LRP6: variants seen among roughly 807,000 people sequenced by gnomAD.
LRP6 encodes the protein LDL receptor related protein 6.
A neutral mutation model predicts 184.1 loss-of-function variants in LRP6; 43 were observed. That is an observed-to-expected ratio of 0.23 (90% CI 0.18 to 0.30). The LOEUF (loss-of-function observed/expected upper bound fraction) is 0.30. Ranked by LOEUF, LRP6 falls within the 10% of genes least tolerant of loss-of-function variation. The pLI, the probability that LRP6 is intolerant of heterozygous loss-of-function variation, is 1.00. For synonymous variants in LRP6, 719 were observed against 684.9 expected, an observed-to-expected ratio of 1.05 and a Z score of -0.78; for missense variants, 1,571 against 2,005.3, an observed-to-expected ratio of 0.78 and a Z score of 4.14.
chr12:12,148,447 GTATT>G (rs1950039529), intron 14 of LRP6, among the ~76,000 whole-genome samples: 3 of 152,078 alleles, frequency 2.0e-5, no homozygotes, highest in South Asian at 2.1e-4. Context: ...TGATTATTGA[GTATT>G]TATTAAATGC....
intron 11 of LRP6, 148 bp from the exon 12 acceptor site, chr12:12,159,303 A>C: frequency 1.5e-6 from 1 of 672,680 alleles, no homozygotes; most frequent in Non-Finnish European, 2.6e-6. Flanking sequence ...ATTCATTTAA[A>C]AGCAATTCTA....
intron 2 of LRP6, among the ~76,000 whole-genome samples, chr12:12,207,700 G>A (rs1453387361): frequency 1.3e-5 from 2 of 152,072 alleles, no homozygotes; most frequent in African/African-American, 4.8e-5. Context: ...ATGCTTAGTA[G>A]TCAGGAAGGC....
chr12:12,139,340 G>A (rs745882235), intron 15 of LRP6, among the ~76,000 whole-genome samples: 6 of 152,200 alleles, frequency 3.9e-5, no homozygotes, highest in Non-Finnish European at 8.8e-5. Flanking sequence ...TTCCAGATGG[G>A]AAGGCATTGC....
intron 2 of LRP6, among the ~76,000 whole-genome samples, chr12:12,233,253 G>C (rs1308322070): frequency 6.6e-6 from 1 of 152,100 alleles, no homozygotes; most frequent in Admixed American, 6.6e-5. Flanking sequence ...GGATCACAAG[G>C]TCAGGAGATC....
chr12:12,145,624 CTTT>C (rs1157764946), intron 15 of LRP6, among the ~76,000 whole-genome samples: 2 of 80,314 alleles, frequency 2.5e-5, no homozygotes, highest in East Asian at 6.2e-4. Context: ...TTTTCTTTTT[CTTT>C]TTTTTTTTTT....
At chr12:12,203,163 G>T in intron 3 of LRP6, 40 bp downstream of exon 3, 1 of 1,444,022 alleles carries the variant, frequency 6.9e-7, no homozygotes, top group Non-Finnish European at 9.5e-7. Context: ...AGGCTTCATC[G>T]AGTTTTCTTA....
At position 12,131,805 on chromosome 12, in the gene LRP6, G is replaced by T. The variant is rs1949762550; in HGVS notation, c.3970+16C>A. ...AAAAAGGATTGCATGCTGAGGCACTGAAGAATTCTGGATACCTTCACAGTT... is the reference window on the plus strand; with the variant it reads ...AAAAAGGATTGCATGCTGAGGCACTTAAGAATTCTGGATACCTTCACAGTT... On this transcript the variant is annotated intron_variant, in intron 18 of 22. Transcript: ENST00000261349. 1.9e-6 allele frequency: 3 copies of T among 1,604,420 alleles called. No homozygotes were observed. Among genetic ancestry groups the T allele is most frequent in the Non-Finnish European group, 2.6e-6 (3 of 1,171,046 alleles).
chr12:12,169,252 A>G (rs1463440470), intron 7 of LRP6, among the ~76,000 whole-genome samples: 1 of 151,544 alleles, frequency 6.6e-6, no homozygotes, highest in Non-Finnish European at 1.5e-5. Flanking sequence ...TAATAATAAT[A>G]ATAATAAATA....
At position 12,121,269 on chromosome 12, in the gene LRP6, C is replaced by T; in HGVS notation, c.4699G>A (p.Val1567Met). 5 of 1,614,078 alleles carry T rather than the reference C, an allele frequency of 3.1e-6. No homozygotes were observed. Among genetic ancestry groups the T allele is most frequent in the Non-Finnish European group, 4.2e-6 (5 of 1,180,030 alleles). The change falls in exon 23 of 23, where the codon GTG (valine) becomes ATG (methionine). Residue 1567 changes from valine (V) to methionine (M), a missense_variant. By Grantham distance (21) the Val-to-Met change is conservative. Coordinates refer to ENST00000261349, the MANE Select transcript of LRP6 (RefSeq NM_002336.3). ...TSDLNYDSEP[V>M]PPPPTPRSQY... Reference sequence around the variant, plus strand: ...CTTCGGGGTGTGGGAGGTGGGGGCACAGGTTCTGAATCATAGTTCAAGTCA... The same window carrying T: ...CTTCGGGGTGTGGGAGGTGGGGGCATAGGTTCTGAATCATAGTTCAAGTCA...
chr12:12,180,275 C>A (rs2136989122), intron 6 of LRP6, among the ~76,000 whole-genome samples: 1 of 139,246 alleles, frequency 7.2e-6, no homozygotes, highest in Middle Eastern at 4.1e-3. Flanking sequence ...ATTTTGTGTG[C>A]CCTTTTCCAT....
intron 12 of LRP6, among the ~76,000 whole-genome samples, chr12:12,154,922 G>A (rs925111696): frequency 2.6e-5 from 4 of 152,174 alleles, no homozygotes; most frequent in African/African-American, 9.7e-5. Context: ...TAGGCCAGGC[G>A]TAGTGGCTCA....
intron 12 of LRP6, among the ~76,000 whole-genome samples, chr12:12,158,026 A>T (rs11054713): frequency 0.084 from 12,741 of 152,308 alleles, 598 homozygotes; most frequent in Admixed American, 0.11. Context: ...ATCTGGTAAC[A>T]TCAGCTTCAG....
At chr12:12,223,270 G>A (rs1308003602) in intron 2 of LRP6, among the ~76,000 whole-genome samples, 1 of 151,086 alleles carries the variant, frequency 6.6e-6, no homozygotes, top group African/African-American at 2.4e-5. Flanking sequence ...CTCCCAGAAT[G>A]ACTGGGAAAT....
intron 15 of LRP6, among the ~76,000 whole-genome samples, chr12:12,141,559 A>G (rs1949934346): frequency 6.6e-6 from 1 of 152,198 alleles, no homozygotes; most frequent in Admixed American, 6.5e-5. Context: ...TAAGAAAACC[A>G]GAAGAAATGG....
intron 8 of LRP6, 76 bp from the exon 9 acceptor site, chr12:12,164,638 A>T: frequency 1.4e-6 from 2 of 1,441,860 alleles, no homozygotes; most frequent in Non-Finnish European, 1.9e-6. Flanking sequence ...CTTTTAAATT[A>T]CTTAAGCGTT....
Position 12,121,401 on chromosome 12 carries a change from G to A in LRP6, c.4567C>T (p.Arg1523Trp), listed in dbSNP as rs761430379. The A allele has an allele frequency of 2.0e-5, 32 of 1,613,940 alleles. No individual in the cohort carries two copies. The highest frequency in any genetic ancestry group is 4.5e-5 in the East Asian group (2 of 44,886). The change falls in exon 23 of 23, where the codon CGG becomes TGG. Residue 1523 changes from arginine to tryptophan, a missense_variant. Physicochemically the swap from Arg to Trp is moderately radical, Grantham distance 101 (BLOSUM62 -3). Transcript: ENST00000261349. ...GGTGTGGTGGGGGGTGCAAAGTGCCGGTAGCTATATGGCCTGTAGCTGGTA... is the reference window on the plus strand; with the variant it reads ...GGTGTGGTGGGGGGTGCAAAGTGCCAGTAGCTATATGGCCTGTAGCTGGTA... ...RSYSYRPYSY[R>W]HFAPPTTPCS...
At position 12,196,589 on chromosome 12, in the gene LRP6, A is replaced by AT. The variant is rs918223054; in HGVS notation, c.647+6613dup. 4.5e-3 allele frequency among the ~76,000 whole-genome samples: 660 copies of AT among 145,202 alleles called. 2 individuals are homozygous for AT. Among genetic ancestry groups the AT allele is most frequent in the Non-Finnish European group, 7.3e-3 (475 of 65,508 alleles). On this transcript the variant is annotated intron_variant, in intron 3 of 22. Transcript: ENST00000261349. ...CCAAATTTGTTGATCAGTTCTAAGA[A>AT]TTTTTTTTTTTTTGGTAGAGCGTTC...
At chr12:12,127,439 G>C (rs1219760361) in intron 19 of LRP6, among the ~76,000 whole-genome samples, 1 of 152,166 alleles carries the variant, frequency 6.6e-6, no homozygotes, top group Admixed American at 6.5e-5. Context: ...GTGACATTTA[G>C]GCCTGATGAA....
intron 17 of LRP6, among the ~76,000 whole-genome samples, chr12:12,134,835 C>CA (rs938886814): frequency 2.0e-5 from 3 of 151,778 alleles, no homozygotes; most frequent in African/African-American, 4.8e-5. Flanking sequence ...ACTATTCAGT[C>CA]AAAAAAAGTA....
Sources: allele counts gnomAD v4.1 joint callset (sites outside exome capture counted in the v4.1 genomes callset), GRCh38; gene constraint gnomAD v4.1.1; transcripts MANE v1.5; gene names NCBI Gene and HGNC (gene_info 2026-07-23, HGNC 2026-07-21).